Variants in ACOXL observed in about 807,000 individuals in gnomAD.
ACOXL encodes the protein acyl-coenzyme A oxidase-like protein.
ACOXL carries 70 observed loss-of-function variants against 71.9 expected under a neutral mutation model. The observed-to-expected ratio is 0.97, with a 90% CI of 0.80 to 1.19. ACOXL has a LOEUF of 1.19. ACOXL is among the 50% of genes most tolerant of loss of function. The pLI is 0.00. For synonymous variants in ACOXL, 253 were observed against 281.6 expected (o/e 0.90, Z 1.02); for missense variants, 703 against 736.3 (o/e 0.95, Z 0.52).
intron 10 of ACOXL, among the ~76,000 whole-genome samples, chr2:110,870,984 T>A (rs1383585012): frequency 6.6e-6 from 1 of 152,166 alleles, no homozygotes; most frequent in Admixed American, 6.5e-5. Context: ...GTCCCAGTGT[T>A]GGAAAATCTG....
intron 13 of ACOXL, among the ~76,000 whole-genome samples, chr2:110,990,507 A>G (rs564505015): frequency 2.0e-5 from 3 of 151,930 alleles, no homozygotes; most frequent in Non-Finnish European, 2.9e-5. Flanking sequence ...TATTCTTTTC[A>G]TGTCTCACAG....
At chr2:111,048,699 C>A (rs916600495) in intron 15 of ACOXL, among the ~76,000 whole-genome samples, 2 of 151,342 alleles carry the variant, frequency 1.3e-5, no homozygotes, top group African/African-American at 4.9e-5. Context: ...CTTCCCTATT[C>A]TCCTTGAGAA....
intron 2 of ACOXL, among the ~76,000 whole-genome samples, chr2:110,772,121 A>G (rs138363359): frequency 1.3e-5 from 2 of 152,346 alleles, no homozygotes; most frequent in East Asian, 3.9e-4. Context: ...CATTTTACAG[A>G]TAAGTAAACT....
chr2:110,826,752 C>CT (rs775164507), intron 9 of ACOXL, among the ~76,000 whole-genome samples: 2,103 of 116,200 alleles, frequency 0.018, 15 homozygotes, highest in Non-Finnish European at 0.024. Context: ...TCTCTCTTTG[C>CT]TTTTTTTTTT....
At chr2:110,748,672 T>A (rs530056561) in intron 1 of ACOXL, among the ~76,000 whole-genome samples, 1 of 152,314 alleles carries the variant, frequency 6.6e-6, no homozygotes, top group African/African-American at 2.4e-5. Flanking sequence ...AGGTGGCTCC[T>A]GGGAGTGGGG....
chr2:110,927,863 C>T (rs909578255), intron 11 of ACOXL, among the ~76,000 whole-genome samples: 1 of 152,176 alleles, frequency 6.6e-6, no homozygotes, highest in African/African-American at 2.4e-5. Flanking sequence ...TTGAAACGTA[C>T]ATTTCTGAAG....
At chr2:110,916,109 T>G (rs1404175415) in intron 11 of ACOXL, among the ~76,000 whole-genome samples, 1 of 152,114 alleles carries the variant, frequency 6.6e-6, no homozygotes, top group Non-Finnish European at 1.5e-5. Flanking sequence ...TTTGAGAAAT[T>G]TGTTCACTTC....
chr2:110,768,378 A>C lies in ACOXL; in HGVS notation c.-12A>C, dbSNP rs776227905. On this transcript the variant is annotated 5_prime_UTR_variant, in exon 2 of 18. The change abolishes the stop of an existing upstream ORF in the 5' untranslated region. Transcript: ENST00000439055. ...ATCTGTTCTTCACAGGTATGATTTA[A>C]GCTTGGATGAAATGAGAGCTTTGAC... 9 of 1,613,786 alleles carry C rather than the reference A, an allele frequency of 5.6e-6. No individual in the cohort carries two copies. The South Asian group carries it at 9.9e-5, about 18-fold the overall frequency.
chr2:110,964,516 G>A (rs1044338435), intron 12 of ACOXL, among the ~76,000 whole-genome samples: 1 of 152,128 alleles, frequency 6.6e-6, no homozygotes, highest in Non-Finnish European at 1.5e-5. Context: ...TTGTCATTAG[G>A]CTGTTTCATC....
intron 7 of ACOXL, 127 bp downstream of exon 7, chr2:110,799,227 T>C (rs1685651690): frequency 1.1e-6 from 1 of 869,692 alleles, no homozygotes; most frequent in Non-Finnish European, 1.9e-6. Context: ...CCAGAGAAGA[T>C]GTCCAGATTT....
intron 14 of ACOXL, among the ~76,000 whole-genome samples, chr2:111,017,287 ATT>A (rs1319071462): frequency 1.3e-4 from 20 of 152,188 alleles, no homozygotes; most frequent in Admixed American, 1.2e-3. Context: ...GATCACAGAC[ATT>A]TGTTGAGTTC....
intron 9 of ACOXL, among the ~76,000 whole-genome samples, chr2:110,832,068 A>C (rs13397695): frequency 0.37 from 55,586 of 151,998 alleles, 10,361 homozygotes; most frequent in East Asian, 0.44. Context: ...GAGAATGGAC[A>C]CACCTGTGGT....
intron 10 of ACOXL, among the ~76,000 whole-genome samples, chr2:110,898,813 A>G (rs1330597692): frequency 1.3e-5 from 2 of 152,226 alleles, no homozygotes; most frequent in Non-Finnish European, 2.9e-5. Flanking sequence ...CTATATTCAG[A>G]TGACATGCTT....
At chr2:110,909,363 G>A (rs752113588) in intron 11 of ACOXL, among the ~76,000 whole-genome samples, 1 of 152,110 alleles carries the variant, frequency 6.6e-6, no homozygotes, top group South Asian at 2.1e-4. Context: ...TGTACCATAA[G>A]TACACCTGGA....
intron 14 of ACOXL, among the ~76,000 whole-genome samples, chr2:111,018,353 C>T (rs755910948): frequency 8.5e-5 from 13 of 152,194 alleles, no homozygotes; most frequent in Non-Finnish European, 1.3e-4. Flanking sequence ...CCTGTCCTAT[C>T]ATCCCCAGGC....
chr2:110,987,248 C>T (rs111911782), intron 13 of ACOXL, 31 bp downstream of exon 13: 17 of 1,539,214 alleles, frequency 1.1e-5, no homozygotes, highest in African/African-American at 1.4e-5. Flanking sequence ...CATCATCTGC[C>T]TTCAGTGGGT....
chr2:110,801,543 A>G lies in ACOXL; in HGVS notation c.548-109A>G, dbSNP rs929661058. 7.3e-6 allele frequency: 7 copies of G among 956,994 alleles called. No individual in the cohort carries two copies. The South Asian group carries it at 7.6e-5, about 10-fold the overall frequency. 59.3% of individuals were successfully genotyped at this position (956,994 alleles called of 1,614,324 possible). Reference sequence around the variant, plus strand: ...CACCCCCAAGGAAAAAGCACCAACAATTCTGGAAGTAAAATAAGGGGCTTT... The same window carrying G: ...CACCCCCAAGGAAAAAGCACCAACAGTTCTGGAAGTAAAATAAGGGGCTTT... On this transcript the variant is annotated intron_variant, in intron 7 of 17. Coordinates refer to ENST00000439055, the MANE Select transcript of ACOXL (RefSeq NM_001142807.4).
At chr2:111,061,311 G>A (rs1389379046) in intron 16 of ACOXL, among the ~76,000 whole-genome samples, 1 of 152,098 alleles carries the variant, frequency 6.6e-6, no homozygotes, top group Non-Finnish European at 1.5e-5. Flanking sequence ...CAATTCAAAT[G>A]ACAGCATATT....
intron 11 of ACOXL, among the ~76,000 whole-genome samples, chr2:110,931,487 A>G (rs931056803): frequency 2.0e-5 from 3 of 152,140 alleles, no homozygotes; most frequent in Non-Finnish European, 4.4e-5. Context: ...ATAATATAGC[A>G]TAGATGAAAA....
Sources: allele counts gnomAD v4.1 joint callset (sites outside exome capture counted in the v4.1 genomes callset), GRCh38; gene constraint gnomAD v4.1.1; transcripts MANE v1.5; gene names NCBI Gene and HGNC (gene_info 2026-07-23, HGNC 2026-07-21).